CTNNA2: variants seen among roughly 807,000 people sequenced by gnomAD.
CTNNA2 encodes catenin alpha-2.
A neutral mutation model predicts 101.0 loss-of-function variants in CTNNA2; 42 were observed. The observed-to-expected ratio is 0.42, with a 90% CI of 0.32 to 0.54. CTNNA2 has a LOEUF of 0.54. Ranked by LOEUF, CTNNA2 falls within the 20% of genes least tolerant of loss-of-function variation. The probability of loss-of-function intolerance (pLI) is 0.14; values close to 1 mark genes in which losing one functional copy is unlikely to be tolerated. For synonymous variants in CTNNA2, 450 were observed against 456.4 expected (o/e 0.99, Z 0.18); for missense variants, 871 against 1,223.1 (o/e 0.71, Z 4.29).
At chr2:79,876,036 G>A (rs1001170336) in intron 6 of CTNNA2, among the ~76,000 whole-genome samples, 2 of 151,706 alleles carry the variant, frequency 1.3e-5, no homozygotes, top group Admixed American at 6.6e-5. Flanking sequence ...AGATGTGAAG[G>A]ACCTAAAAAG....
intron 7 of CTNNA2, among the ~76,000 whole-genome samples, chr2:80,127,391 A>G (rs975761106): frequency 1.3e-5 from 2 of 152,184 alleles, no homozygotes; most frequent in Non-Finnish European, 2.9e-5. Context: ...TGAAGAATAG[A>G]TAGGGAAACT....
intron 7 of CTNNA2, among the ~76,000 whole-genome samples, chr2:80,004,518 T>G (rs1693188764): frequency 6.6e-6 from 1 of 152,058 alleles, no homozygotes; most frequent in African/African-American, 2.4e-5. Flanking sequence ...GGCAGATGGG[T>G]CAATGCTTTA....
rs10188613 is a variant in CTNNA2, at chr2:79,771,723, A to G, written c.298+27141A>G. On this transcript the variant is annotated intron_variant, in intron 3 of 18. Transcript: ENST00000402739. ...CCAGTGATGAGGAGTGGCTGTAAATAAATACAGATGAAGCTTGGCTCACTT... is the reference window on the plus strand; with the variant it reads ...CCAGTGATGAGGAGTGGCTGTAAATGAATACAGATGAAGCTTGGCTCACTT... Among the ~76,000 whole-genome samples the G allele has an allele frequency of 2.0e-3, 309 of 152,316 alleles. 2 individuals carry two copies. Among genetic ancestry groups the G allele is most frequent in the African/African-American group, 6.7e-3 (280 of 41,562 alleles).
chr2:79,467,861 A>T (rs1254275107), intron 4 of CTNNA2, among the ~76,000 whole-genome samples: 1 of 152,220 alleles, frequency 6.6e-6, no homozygotes, highest in Non-Finnish European at 1.5e-5. Context: ...CTTGCCCTAC[A>T]AGAGCTCCTG....
chr2:80,481,307 G>A (rs1405949437), intron 9 of CTNNA2, among the ~76,000 whole-genome samples: 1 of 151,866 alleles, frequency 6.6e-6, no homozygotes, highest in Admixed American at 6.6e-5. Context: ...ATTTCTTTGG[G>A]GTATTGTATA....
chr2:80,053,364 A>G (rs947143333), intron 7 of CTNNA2, among the ~76,000 whole-genome samples: 16 of 152,232 alleles, frequency 1.1e-4, no homozygotes, highest in Admixed American at 3.9e-4. Context: ...ACACAACTTT[A>G]TAGTTGAGCA....
intron 4 of CTNNA2, among the ~76,000 whole-genome samples, chr2:79,472,896 T>C (rs1190922993): frequency 6.6e-6 from 1 of 152,226 alleles, no homozygotes; most frequent in Non-Finnish European, 1.5e-5. Flanking sequence ...AATTTAATTA[T>C]GCTAAATATA....
intron 3 of CTNNA2, among the ~76,000 whole-genome samples, chr2:79,367,465 G>A (rs1677775775): frequency 6.6e-6 from 1 of 152,200 alleles, no homozygotes; most frequent in African/African-American, 2.4e-5. Flanking sequence ...TCAAGGGACA[G>A]CAGGGAGGTC....
At chr2:80,367,006 C>CCTTT (rs1559048702) in intron 7 of CTNNA2, among the ~76,000 whole-genome samples, 3 of 120,454 alleles carry the variant, frequency 2.5e-5, no homozygotes, top group Admixed American at 1.6e-4. Context: ...CAAATGGTTG[C>CCTTT]ATTTTTTTTT....
At chr2:79,291,325 G>A (rs1444965724) in intron 2 of CTNNA2, among the ~76,000 whole-genome samples, 1 of 152,168 alleles carries the variant, frequency 6.6e-6, no homozygotes, top group African/African-American at 2.4e-5. Flanking sequence ...ACTGTCAGGT[G>A]TATGTCAGTC....
intron 1 of CTNNA2, among the ~76,000 whole-genome samples, chr2:79,584,518 TTC>T (rs1466990388): frequency 6.6e-6 from 1 of 151,640 alleles, no homozygotes; most frequent in Non-Finnish European, 1.5e-5. Flanking sequence ...CAGGTAGATT[TTC>T]TTTTTTTTTT....
chr2:80,552,287 C>G (rs1015465129), intron 11 of CTNNA2, among the ~76,000 whole-genome samples: 1 of 151,974 alleles, frequency 6.6e-6, no homozygotes, highest in Non-Finnish European at 1.5e-5. Flanking sequence ...AACAGACTTG[C>G]TTGACGCAGA....
intron 4 of CTNNA2, among the ~76,000 whole-genome samples, chr2:79,473,183 A>T (rs760067582): frequency 2.0e-5 from 3 of 152,150 alleles, no homozygotes; most frequent in Non-Finnish European, 4.4e-5. Flanking sequence ...ATCACCTTTA[A>T]AAGTTCTTTT....
chr2:79,729,634 A>C (rs1687080052), intron 2 of CTNNA2, among the ~76,000 whole-genome samples: 1 of 152,126 alleles, frequency 6.6e-6, no homozygotes, highest in African/African-American at 2.4e-5. Flanking sequence ...AAGGTTCACA[A>C]GAAGAACCTT....
chr2:79,221,755 A>G (rs1674348300), intron 2 of CTNNA2, among the ~76,000 whole-genome samples: 1 of 152,170 alleles, frequency 6.6e-6, no homozygotes, highest in Non-Finnish European at 1.5e-5. Flanking sequence ...TTGTATCTAT[A>G]TGGCTTATAG....
intron 2 of CTNNA2, among the ~76,000 whole-genome samples, chr2:79,687,147 T>C (rs1189032205): frequency 6.6e-6 from 1 of 152,090 alleles, no homozygotes; most frequent in Non-Finnish European, 1.5e-5. Flanking sequence ...GGGAGGTTGC[T>C]TGGTGAGCAG....
intron 2 of CTNNA2, among the ~76,000 whole-genome samples, chr2:79,739,106 C>T (rs1206988992): frequency 1.3e-5 from 2 of 150,022 alleles, no homozygotes; most frequent in African/African-American, 4.9e-5. Context: ...CATTTTTTCC[C>T]CTACTGCTTT....
At chr2:80,328,870 G>A (rs1207648875) in intron 7 of CTNNA2, among the ~76,000 whole-genome samples, 1 of 152,056 alleles carries the variant, frequency 6.6e-6, no homozygotes, top group Admixed American at 6.5e-5. Flanking sequence ...GCACCATTAC[G>A]GAATATAAGT....
At chr2:79,235,847 G>C (rs1183423800) in intron 2 of CTNNA2, among the ~76,000 whole-genome samples, 2 of 152,218 alleles carry the variant, frequency 1.3e-5, no homozygotes, top group African/African-American at 4.8e-5. Flanking sequence ...GCTCTAGCAG[G>C]TGTGACCCAC....
Sources: gnomAD v4.1 joint callset for allele counts (sites outside exome capture counted in the v4.1 genomes callset) on GRCh38, gnomAD v4.1.1 for gene constraint, MANE v1.5 for transcripts, NCBI Gene and HGNC (gene_info 2026-07-23, HGNC 2026-07-21) for gene names.